The following PCDH15 variants were observed in gnomAD, a reference collection of about 807,000 sequenced individuals.
The protein encoded by PCDH15 is protocadherin-15.
In PCDH15, 129 loss-of-function variants were observed where a neutral mutation model predicts 178.5. The observed-to-expected ratio is 0.72, with a 90% CI of 0.63 to 0.84. The LOEUF is 0.84. Ranked by LOEUF, PCDH15 falls within the 40% of genes least tolerant of loss-of-function variation. PCDH15 has a pLI of 0.00. For synonymous variants in PCDH15, 800 were observed against 732.0 expected (o/e 1.09, Z -1.50); for missense variants, 2,230 against 2,099.9 (o/e 1.06, Z -1.21).
chr10:54,211,710 T>C (rs1006252222), intron 10 of PCDH15, among the ~76,000 whole-genome samples: 1 of 151,890 alleles, frequency 6.6e-6, no homozygotes. Flanking sequence ...ACAAAAACTT[T>C]TAGGGCCAAT....
chr10:55,484,332 A>G (rs186868665), intron 2 of PCDH15, among the ~76,000 whole-genome samples: 1 of 151,916 alleles, frequency 6.6e-6, no homozygotes, highest in East Asian at 1.9e-4. Flanking sequence ...AGTTGTCTAT[A>G]AAAATTATAA....
At chr10:54,067,608 CTA>C (rs1565173202) in intron 17 of PCDH15, among the ~76,000 whole-genome samples, 1 of 152,174 alleles carries the variant, frequency 6.6e-6, no homozygotes, top group African/African-American at 2.4e-5. Context: ...ACTGCTCTCT[CTA>C]ATCAAAGCCT....
intron 18 of PCDH15, among the ~76,000 whole-genome samples, chr10:54,050,824 C>A (rs1174321418): frequency 6.6e-6 from 1 of 152,144 alleles, no homozygotes; most frequent in Non-Finnish European, 1.5e-5. Flanking sequence ...CCACCAAAAT[C>A]TCATCTTGAT....
At chr10:54,759,234 G>A (rs1185674088) in intron 1 of PCDH15, among the ~76,000 whole-genome samples, 1 of 152,076 alleles carries the variant, frequency 6.6e-6, no homozygotes, top group East Asian at 1.9e-4. Flanking sequence ...ATTTTTAGAA[G>A]TGTTCAATTC....
At chr10:54,519,592 G>T (rs1187709613) in intron 3 of PCDH15, among the ~76,000 whole-genome samples, 1 of 152,136 alleles carries the variant, frequency 6.6e-6, no homozygotes, top group Non-Finnish European at 1.5e-5. Context: ...AACATTCCAT[G>T]CTCATGGATA....
chr10:55,227,747 G>A lies in PCDH15; in HGVS notation c.-155-61096C>T, dbSNP rs12220816. Among the ~76,000 whole-genome samples the A allele has an allele frequency of 5.1e-4, 77 of 152,090 alleles. No individual in the cohort carries two copies. The East Asian group carries it at 0.013, about 26-fold the overall frequency. On this transcript the variant is annotated intron_variant, in intron 1 of 5. Coordinates refer to the PCDH15 transcript ENST00000458638. ...TGCTCAGCTATCACCAATATTAACA[G>A]AATTATAATAATGGGAACAATGATC... is the stretch of plus-strand genomic sequence containing the variant.
chr10:54,618,083 A>G (rs1019905261), intron 2 of PCDH15, among the ~76,000 whole-genome samples: 2 of 152,238 alleles, frequency 1.3e-5, no homozygotes, highest in African/African-American at 4.8e-5. Context: ...TCTACTTCCC[A>G]TTTAGCATGT....
At chr10:55,404,699 GACT>G in intron 2 of PCDH15, among the ~76,000 whole-genome samples, 1 of 151,836 alleles carries the variant, frequency 6.6e-6, no homozygotes, top group African/African-American at 2.4e-5. Flanking sequence ...ATGAGTAAAG[GACT>G]AATATGTTTA....
intron 1 of PCDH15, among the ~76,000 whole-genome samples, chr10:55,305,866 C>T (rs1843409153): frequency 1.3e-5 from 2 of 152,142 alleles, no homozygotes; most frequent in South Asian, 4.1e-4. Flanking sequence ...TCTACCATGC[C>T]TACCTTCCTC....
chr10:54,028,994 G>T (rs553791432), intron 18 of PCDH15, among the ~76,000 whole-genome samples: 119 of 152,096 alleles, frequency 7.8e-4, no homozygotes, highest in African/African-American at 2.8e-3. Flanking sequence ...AAATTTTAAG[G>T]TGACTGAGAC....
chr10:54,265,427 C>A (rs368293076), intron 8 of PCDH15, among the ~76,000 whole-genome samples: 11 of 151,344 alleles, frequency 7.3e-5, no homozygotes, highest in East Asian at 3.9e-4. Flanking sequence ...TAAAAGTTAA[C>A]CTTGGACATA....
chr10:54,477,372 G>A (rs1490970532), intron 3 of PCDH15, among the ~76,000 whole-genome samples: 1 of 151,960 alleles, frequency 6.6e-6, no homozygotes, highest in African/African-American at 2.4e-5. Flanking sequence ...TTCTTGGTTG[G>A]GCATCCCTAT....
At chr10:53,950,923 C>T (rs1401909008) in intron 23 of PCDH15, among the ~76,000 whole-genome samples, 2 of 152,050 alleles carry the variant, frequency 1.3e-5, no homozygotes, top group Non-Finnish European at 2.9e-5. Flanking sequence ...TGAGAGTATG[C>T]CTCTCAGATC....
intron 2 of PCDH15, among the ~76,000 whole-genome samples, chr10:54,571,928 G>A (rs959044494): frequency 6.6e-6 from 1 of 152,112 alleles, no homozygotes; most frequent in Non-Finnish European, 1.5e-5. Flanking sequence ...GAGGGTGTGA[G>A]TTGAAGAACA....
intron 2 of PCDH15, among the ~76,000 whole-genome samples, chr10:55,625,890 C>T (rs1837515568): frequency 6.6e-6 from 1 of 152,166 alleles, no homozygotes; most frequent in Non-Finnish European, 1.5e-5. Flanking sequence ...ACTCTCACCA[C>T]TTTCGTGGTA....
Position 53,806,515 on chromosome 10 carries a change from A to AT in PCDH15, c.*63dup. On this transcript the variant is annotated 3_prime_UTR_variant, in exon 38 of 38. Transcript: ENST00000644397. ...TCCATACATTGTTTTCTCAGTGACA[A>AT]TAAAAAGCACAGTTTATTAAAAATG... 1 of 1,335,064 alleles carries AT rather than the reference A, an allele frequency of 7.5e-7. No homozygotes were observed. Among genetic ancestry groups the AT allele is most frequent in the Non-Finnish European group, 1.0e-6 (1 of 983,056 alleles). The allele number at this position is 1,335,064 out of a possible 1,614,324, so 82.7% of individuals were successfully genotyped here. A position where few individuals can be genotyped will look rare whatever the true frequency, so the allele number is the denominator to read the frequency against.
At chr10:54,274,052 G>C (rs1407156759) in intron 8 of PCDH15, among the ~76,000 whole-genome samples, 4 of 152,002 alleles carry the variant, frequency 2.6e-5, no homozygotes, top group African/African-American at 9.7e-5. Flanking sequence ...ACCAAACACT[G>C]CATGCTCTAA....
chr10:53,915,205 C>T (rs1474768839), intron 25 of PCDH15, among the ~76,000 whole-genome samples: 1 of 151,868 alleles, frequency 6.6e-6, no homozygotes, highest in African/African-American at 2.4e-5. Context: ...TATAGTGTGC[C>T]CACTAGACAG....
chr10:53,964,369 T>A (rs1216225285), intron 21 of PCDH15, among the ~76,000 whole-genome samples: 1 of 52,714 alleles, frequency 1.9e-5, no homozygotes, highest in Non-Finnish European at 3.8e-5. Flanking sequence ...TTTTTATTTA[T>A]AAAAAAATTT....
Sources: gnomAD v4.1 joint callset for allele counts (sites outside exome capture counted in the v4.1 genomes callset) on GRCh38, gnomAD v4.1.1 for gene constraint, MANE v1.5 for transcripts, NCBI Gene and HGNC (gene_info 2026-07-23, HGNC 2026-07-21) for gene names.